Variants in OR3A2 observed in about 807,000 individuals in gnomAD.
The protein encoded by OR3A2 is olfactory receptor family 3 subfamily A member 2, also known as olfactory receptor 3A2.
For synonymous variants in OR3A2, 126 were observed against 159.3 expected, an observed-to-expected ratio of 0.79 and a Z score of 1.57; for missense variants, 318 against 392.8, an observed-to-expected ratio of 0.81 and a Z score of 1.61.
At chr17:3,325,675 G>A (rs903974729) in intron 3 of OR3A2, among the ~76,000 whole-genome samples, 1 of 151,852 alleles carries the variant, frequency 6.6e-6, no homozygotes, top group Non-Finnish European at 1.5e-5. Context: ...TTCTGATCAA[G>A]CCTCTTTTTA....
intron 2 of OR3A2, among the ~76,000 whole-genome samples, chr17:3,352,732 G>A (rs2150654717): frequency 6.6e-6 from 1 of 151,832 alleles, no homozygotes; most frequent in South Asian, 2.1e-4. Flanking sequence ...GGCTAATCTG[G>A]GTCTTTTGTG....
Position 3,280,188 on chromosome 17 carries a change from C to T in OR3A2, c.-6-1265G>A, listed in dbSNP as rs1005957412. ...CCTTCCCTTGTCCTTGACTTAGGCA[C>T]GGTAGGTTGACCAATGGCTCTAATG... On this transcript the variant is annotated intron_variant, in intron 1 of 1. Transcript: ENST00000642052. Among the ~76,000 whole-genome samples, 13 of 152,020 alleles carry T rather than the reference C, an allele frequency of 8.6e-5. No homozygotes were observed. In the East Asian group the frequency reaches 1.7e-3, roughly 20 times the overall value.
At position 3,331,253 on chromosome 17, in the gene OR3A2, C is replaced by T. The variant is rs971026192; in HGVS notation, c.-85+4780G>A. On this transcript the variant is annotated intron_variant, in intron 3 of 4. Transcript: ENST00000573491. ...GTTCTCTGTATTTCCTGAATCTGAA[C>T]GTTGGCCTGCCTTGCTAGATTGGGG... is the stretch of plus-strand genomic sequence containing the variant. 9.1e-3 allele frequency among the ~76,000 whole-genome samples: 1,383 copies of T among 151,688 alleles called. 24 individuals are homozygous for T. Among genetic ancestry groups the T allele is most frequent in the African/African-American group, 0.032 (1,317 of 41,384 alleles).
chr17:3,361,899 C>T lies in OR3A2; in HGVS notation c.-179+21905G>A, dbSNP rs28853301. 1.6e-4 allele frequency among the ~76,000 whole-genome samples: 24 copies of T among 151,330 alleles called. 1 individual carries two copies. Among genetic ancestry groups the T allele is most frequent in the African/African-American group, 3.2e-4 (13 of 40,760 alleles). On this transcript the variant is annotated intron_variant, in intron 2 of 4. Transcript: ENST00000573491. ...TCTCTTTTTTTGTTGTGTCTCTGCC[C>T]GGCTTTGGTATCAGGATGATGCTGG...
chr17:3,291,438 T>C (rs2048865537), intron 3 of OR3A2: 1 of 487,106 alleles, frequency 2.1e-6, no homozygotes, highest in Admixed American at 3.6e-5. Context: ...AGGGGCTGGC[T>C]TGGCAGATCC....
chr17:3,348,699 G>C (rs188948565), intron 2 of OR3A2, among the ~76,000 whole-genome samples: 3 of 151,986 alleles, frequency 2.0e-5, no homozygotes, highest in East Asian at 1.9e-4. Context: ...GATACTCCTC[G>C]AGAAGAGCAA....
At chr17:3,319,271 G>C (rs575382571) in intron 3 of OR3A2, among the ~76,000 whole-genome samples, 3 of 152,144 alleles carry the variant, frequency 2.0e-5, no homozygotes, top group African/African-American at 7.2e-5. Context: ...AGATTTATTT[G>C]TAAAGGACTA....
chr17:3,359,110 C>CT (rs998361461), intron 2 of OR3A2, among the ~76,000 whole-genome samples: 2 of 151,466 alleles, frequency 1.3e-5, no homozygotes, highest in African/African-American at 4.9e-5. Context: ...CCCCTGCTTC[C>CT]TTTTTTCTAT....
At chr17:3,355,456 CTCTCTTT>C (rs1567565984) in intron 2 of OR3A2, among the ~76,000 whole-genome samples, 7,050 of 118,010 alleles carry the variant, frequency 0.06, 790 homozygotes, top group African/African-American at 0.2. Context: ...CTCTCTCTCT[CTCTCTTT>C]AGCTCTAATA....
intron 2 of OR3A2, among the ~76,000 whole-genome samples, chr17:3,340,411 A>G (rs1214697548): frequency 2.0e-5 from 3 of 152,166 alleles, no homozygotes; most frequent in African/African-American, 7.2e-5. Flanking sequence ...ACTTAGTGCT[A>G]TAAATTTCCC....
intron 2 of OR3A2, among the ~76,000 whole-genome samples, chr17:3,349,584 G>C (rs954820710): frequency 1.3e-5 from 2 of 152,018 alleles, no homozygotes; most frequent in African/African-American, 4.8e-5. Context: ...TTAATAATAG[G>C]AGACTTTAAC....
At chr17:3,372,043 C>T (rs1477949101) in intron 2 of OR3A2, among the ~76,000 whole-genome samples, 4 of 135,864 alleles carry the variant, frequency 2.9e-5, no homozygotes, top group East Asian at 3.0e-4. Flanking sequence ...GGCTGCCGGG[C>T]GGAGGGGCTC....
chr17:3,335,052 ACTTTG>A (rs367898745), intron 3 of OR3A2, among the ~76,000 whole-genome samples: 85 of 152,240 alleles, frequency 5.6e-4, no homozygotes, highest in African/African-American at 2.0e-3. Flanking sequence ...GTATAACTTT[ACTTTG>A]CCTTTTCTGC....
chr17:3,318,796 T>A (rs1489022686), intron 3 of OR3A2, among the ~76,000 whole-genome samples: 1 of 152,214 alleles, frequency 6.6e-6, no homozygotes, highest in South Asian at 2.1e-4. Flanking sequence ...AACACTTTTA[T>A]GAATATTGAC....
At position 3,290,199 on chromosome 17, in the gene OR3A2, T is replaced by C. The variant is rs115501922; in HGVS notation, c.-84-11046A>G. ...AATGATGGCATCAGGAGTGCTGGAA[T>C]TGGTTATTGCTGGAAAACATAGAAT... is the stretch of plus-strand genomic sequence containing the variant. On this transcript the variant is annotated intron_variant, in intron 3 of 4. Coordinates refer to the OR3A2 transcript ENST00000573491. Among the ~76,000 whole-genome samples the C allele has an allele frequency of 4.6e-3, 704 of 152,314 alleles. 3 individuals carry two copies. Among genetic ancestry groups the C allele is most frequent in the African/African-American group, 0.016 (674 of 41,574 alleles).
intron 2 of OR3A2, among the ~76,000 whole-genome samples, chr17:3,362,037 G>A (rs1205911472): frequency 2.0e-5 from 3 of 151,586 alleles, no homozygotes; most frequent in Admixed American, 6.6e-5. Context: ...CTGTGAATCC[G>A]TCTAGTCCTG....
At chr17:3,317,882 T>C (rs938018730) in intron 3 of OR3A2, among the ~76,000 whole-genome samples, 1 of 152,044 alleles carries the variant, frequency 6.6e-6, no homozygotes, top group Non-Finnish European at 1.5e-5. Flanking sequence ...GCCCTCACTT[T>C]CCATGAATGA....
rs2049108692 is a variant in OR3A2 at position 3,320,176 on chromosome 17, CTTT to C, written c.-85+15854_-85+15856del. ...TGTTTTTTGGCTGCATAAATGTCTT[CTTT>C]TGAGAAGTGTCTGTTCATGTCCTTC... On this transcript the variant is annotated intron_variant, in intron 3 of 4. Transcript: ENST00000573491. 2.0e-5 allele frequency among the ~76,000 whole-genome samples: 3 copies of C among 151,500 alleles called. No individual in the cohort carries two copies. In the South Asian group the frequency reaches 6.2e-4, roughly 31 times the overall value.
At chr17:3,283,864 G>C (rs939363425) in intron 1 of OR3A2, among the ~76,000 whole-genome samples, 41 of 147,718 alleles carry the variant, frequency 2.8e-4, no homozygotes, top group African/African-American at 1.1e-3. Flanking sequence ...GACAGCTAGA[G>C]ATACAATTGC....
Sources: allele counts gnomAD v4.1 joint callset (sites outside exome capture counted in the v4.1 genomes callset), GRCh38; gene constraint gnomAD v4.1.1; transcripts MANE v1.5; gene names NCBI Gene and HGNC (gene_info 2026-07-23, HGNC 2026-07-21).